CPNE5: variants seen among roughly 807,000 people sequenced by gnomAD.
CPNE5 encodes copine 5, also known as copine-5.
Under a neutral mutation model 81.1 loss-of-function variants are expected in CPNE5, and 42 were observed. The observed-to-expected ratio is 0.52, with a 90% CI of 0.40 to 0.67. The LOEUF (loss-of-function observed/expected upper bound fraction) is 0.67. Ranked by LOEUF, CPNE5 falls within the 30% of genes least tolerant of loss-of-function variation. The pLI, the probability that CPNE5 is intolerant of heterozygous loss-of-function variation, is 0.00. For missense variants in CPNE5, 612 were observed against 815.5 expected, an observed-to-expected ratio of 0.75 and a Z score of 3.04; for synonymous variants, 313 against 321.5, an observed-to-expected ratio of 0.97 and a Z score of 0.28.
intron 1 of CPNE5, among the ~76,000 whole-genome samples, chr6:36,828,537 A>G (rs1772716883): frequency 6.6e-6 from 1 of 152,192 alleles, no homozygotes; most frequent in Non-Finnish European, 1.5e-5. Flanking sequence ...GTGCTGCATC[A>G]ATGCACTGAG....
upstream of CPNE5, chr6:36,839,493 G>C (rs1773841312): frequency 5.9e-6 from 5 of 850,978 alleles, no homozygotes; most frequent in Non-Finnish European, 8.8e-6. The surrounding 1 kb of genome is among the most constrained non-coding windows in gnomAD (Gnocchi z 7.3). Flanking sequence ...GGGCGGCAAG[G>C]GGAGGAGAGA....
intron 3 of CPNE5, among the ~76,000 whole-genome samples, chr6:36,803,587 T>G (rs150028828): frequency 1.2e-3 from 183 of 152,328 alleles, no homozygotes; most frequent in African/African-American, 4.1e-3. Flanking sequence ...AAACATTTTG[T>G]GCCGTATGGA....
intron 9 of CPNE5, 68 bp from the exon 10 acceptor site, chr6:36,775,133 G>T: frequency 8.6e-7 from 1 of 1,166,508 alleles, no homozygotes; most frequent in Non-Finnish European, 1.3e-6. Flanking sequence ...CAGGTCAACA[G>T]AGGAGTCAGC....
intron 16 of CPNE5, 122 bp from the exon 17 acceptor site, chr6:36,745,637 TG>T: frequency 2.7e-6 from 3 of 1,106,652 alleles, no homozygotes; most frequent in Admixed American, 2.7e-5. Flanking sequence ...TTCTCTGGTG[TG>T]GGGTGGCGGG....
chr6:36,808,973 A>T (rs1022228026), intron 3 of CPNE5, among the ~76,000 whole-genome samples: 5 of 152,198 alleles, frequency 3.3e-5, no homozygotes, highest in African/African-American at 1.2e-4. Flanking sequence ...ACTATTCAGT[A>T]AGAGGCTTAT....
At chr6:36,743,901 G>C in intron 19 of CPNE5, 139 bp from the exon 20 acceptor site, 2 of 759,914 alleles carry the variant, frequency 2.6e-6, no homozygotes. Context: ...TAGAGATGAG[G>C]AAACTGAGGC....
intron 1 of CPNE5, among the ~76,000 whole-genome samples, chr6:36,831,638 CAA>C (rs35409136): frequency 6.0e-5 from 5 of 83,928 alleles, no homozygotes; most frequent in African/African-American, 1.9e-4. Flanking sequence ...GACACCATCT[CAA>C]AAAAAAAAAA....
chr6:36,795,894 G>A (rs902434859), intron 6 of CPNE5, among the ~76,000 whole-genome samples: 1 of 152,060 alleles, frequency 6.6e-6, no homozygotes, highest in African/African-American at 2.4e-5. Flanking sequence ...AATCTTCGAT[G>A]GGGTAAAAGG....
intron 12 of CPNE5, among the ~76,000 whole-genome samples, chr6:36,758,543 C>G (rs1765713211): frequency 6.6e-6 from 1 of 152,128 alleles, no homozygotes; most frequent in South Asian, 2.1e-4. Flanking sequence ...GCCACTGCAC[C>G]CAGCCTTAGT....
chr6:36,819,696 C>A (rs1366990564), intron 3 of CPNE5, among the ~76,000 whole-genome samples: 1 of 152,206 alleles, frequency 6.6e-6, no homozygotes, highest in Non-Finnish European at 1.5e-5. Context: ...CTGTCCCCCT[C>A]CCTTCCCCTT....
chr6:36,794,728 A>G (rs1235916842), intron 6 of CPNE5, 79 bp from the exon 7 acceptor site: 2 of 1,263,538 alleles, frequency 1.6e-6, no homozygotes, highest in African/African-American at 1.5e-5. Context: ...CTTGGCATCC[A>G]GATGCTTGGA....
At chr6:36,772,256 C>T (rs1767099521) in intron 10 of CPNE5, among the ~76,000 whole-genome samples, 1 of 152,126 alleles carries the variant, frequency 6.6e-6, no homozygotes, top group Non-Finnish European at 1.5e-5. Flanking sequence ...TTCCATCTCC[C>T]TTTATTCCCG....
chr6:36,775,876 G>A (rs956043445), intron 9 of CPNE5, among the ~76,000 whole-genome samples: 11 of 152,104 alleles, frequency 7.2e-5, no homozygotes, highest in East Asian at 1.9e-4. Flanking sequence ...CTGGCACTTC[G>A]TAGGTATTCA....
At chr6:36,817,242 T>C (rs912588283) in intron 3 of CPNE5, among the ~76,000 whole-genome samples, 1 of 152,154 alleles carries the variant, frequency 6.6e-6, no homozygotes, top group African/African-American at 2.4e-5. Flanking sequence ...GGAATATCAT[T>C]TGAACCTGGG....
chr6:36,771,902 T>C (rs1767070342), intron 10 of CPNE5, among the ~76,000 whole-genome samples: 1 of 152,060 alleles, frequency 6.6e-6, no homozygotes, highest in South Asian at 2.1e-4. Flanking sequence ...TTAACACTAC[T>C]GTCAGTCACA....
At chr6:36,827,257 C>T in intron 1 of CPNE5, 3 of 914,792 alleles carry the variant, frequency 3.3e-6, no homozygotes, top group Non-Finnish European at 3.9e-6. Flanking sequence ...CTCGTCCACA[C>T]TTGCCTCCGT....
At chr6:36,783,646 G>A (rs961283058) in intron 8 of CPNE5, among the ~76,000 whole-genome samples, 4 of 152,084 alleles carry the variant, frequency 2.6e-5, no homozygotes, top group Non-Finnish European at 5.9e-5. Context: ...TGGGACCACA[G>A]GTGTGTGCCA....
chr6:36,774,940 AG>A lies in CPNE5; in HGVS notation c.737+20del. 1 of 1,588,030 alleles carries A rather than the reference AG, an allele frequency of 6.3e-7. No homozygotes were observed. Among genetic ancestry groups the A allele is most frequent in the Non-Finnish European group, 8.6e-7 (1 of 1,156,612 alleles). ...GGCCCAGAAGCAGAAGGAAAAAAGA[AG>A]GGACATTTTCTCATCTCACCGATCG... is the stretch of plus-strand genomic sequence containing the variant. On this transcript the variant is annotated intron_variant, in intron 10 of 20. Transcript: ENST00000244751.
chr6:36,809,152 C>T (rs1044767558), intron 3 of CPNE5, among the ~76,000 whole-genome samples: 3 of 152,060 alleles, frequency 2.0e-5, no homozygotes, highest in African/African-American at 7.3e-5. Context: ...TGTCCCTGAC[C>T]TAACACCCTG....
Sources: allele counts gnomAD v4.1 joint callset (sites outside exome capture counted in the v4.1 genomes callset), GRCh38; gene constraint gnomAD v4.1.1; non-coding constraint Gnocchi (gnomAD v3.1); transcripts MANE v1.5; gene names NCBI Gene and HGNC (gene_info 2026-07-23, HGNC 2026-07-21).